SINHCAF: variants seen among roughly 807,000 people sequenced by gnomAD.
SINHCAF encodes the protein SIN3-HDAC complex associated factor.
A neutral mutation model predicts 25.8 loss-of-function variants in SINHCAF; 3 were observed. The observed-to-expected ratio is 0.12, with a 90% confidence interval of 0.05 to 0.30. The LOEUF (loss-of-function observed/expected upper bound fraction) is 0.30, where lower values mean the gene tolerates loss of function less well. Ranked by LOEUF, SINHCAF falls within the 10% of genes least tolerant of loss-of-function variation. SINHCAF has a pLI of 1.00. For synonymous variants in SINHCAF, 70 were observed against 85.5 expected, an observed-to-expected ratio of 0.82 and a Z score of 1.00; for missense variants, 121 against 262.3, an observed-to-expected ratio of 0.46 and a Z score of 3.72.
At chr12:31,298,292 T>C (rs1199189141) in intron 1 of SINHCAF, 68 bp from the exon 2 acceptor site, 1 of 1,580,882 alleles carries the variant, frequency 6.3e-7, no homozygotes. Context: ...AAGAGTTCTC[T>C]CTGCTCCACC....
rs1284272617 is a variant in SINHCAF at position 31,314,760 on chromosome 12, C to T, written c.-21+11264G>A. 2.0e-5 allele frequency among the ~76,000 whole-genome samples: 3 copies of T among 152,164 alleles called. No individual in the cohort carries two copies. The East Asian group carries it at 5.8e-4, about 29-fold the overall frequency. ...CCCCATTCTGGTTGCTTAATTTTTG[C>T]ACTAGCACCTTCCATCCTGGTCTGC... On this transcript the variant is annotated intron_variant, in intron 1 of 5. Transcript: ENST00000337682.
At chr12:31,285,238 A>C (rs938380550) in intron 5 of SINHCAF, among the ~76,000 whole-genome samples, 8 of 151,968 alleles carry the variant, frequency 5.3e-5, no homozygotes, top group African/African-American at 1.9e-4. Context: ...AAATACAAAA[A>C]TTAGCAGGGT....
chr12:31,287,867 G>T, intron 4 of SINHCAF, 83 bp from the exon 5 acceptor site: 3 of 946,836 alleles, frequency 3.2e-6, no homozygotes, highest in East Asian at 2.7e-5. Context: ...AAGACACTGT[G>T]AAAGAGTTGG....
At chr12:31,286,909 G>C (rs1022346232) in intron 5 of SINHCAF, among the ~76,000 whole-genome samples, 22 of 147,132 alleles carry the variant, frequency 1.5e-4, no homozygotes, top group African/African-American at 5.5e-4. Context: ...GCCTATTGTG[G>C]TTTGTTTGTT....
intron 1 of SINHCAF, among the ~76,000 whole-genome samples, chr12:31,318,628 G>C (rs912369146): frequency 6.9e-6 from 1 of 144,622 alleles, no homozygotes; most frequent in South Asian, 2.2e-4. Context: ...TAAAACACCA[G>C]GCCCCTCCAA....
intron 2 of SINHCAF, among the ~76,000 whole-genome samples, chr12:31,297,209 T>C (rs1221621398): frequency 6.6e-6 from 1 of 152,290 alleles, no homozygotes; most frequent in South Asian, 2.1e-4. Flanking sequence ...CCTTTTTAAA[T>C]TTTATTTTTA....
intron 5 of SINHCAF, among the ~76,000 whole-genome samples, chr12:31,285,156 G>A (rs1238026824): frequency 6.6e-6 from 1 of 152,140 alleles, no homozygotes; most frequent in Non-Finnish European, 1.5e-5. Flanking sequence ...GGGAGGCCAA[G>A]GCGAGCAGAT....
At chr12:31,314,900 C>T (rs1408662288) in intron 1 of SINHCAF, among the ~76,000 whole-genome samples, 1 of 152,116 alleles carries the variant, frequency 6.6e-6, no homozygotes, top group Non-Finnish European at 1.5e-5. Context: ...GTATATTAAC[C>T]CAGCTGGGGT....
intron 1 of SINHCAF, among the ~76,000 whole-genome samples, chr12:31,320,545 G>A (rs1939658800): frequency 6.6e-6 from 1 of 152,080 alleles, no homozygotes; most frequent in African/African-American, 2.4e-5. Context: ...CACAGAAACG[G>A]GTAGAATTTG....
At chr12:31,320,585 A>G (rs1265977013) in intron 1 of SINHCAF, among the ~76,000 whole-genome samples, 1 of 152,196 alleles carries the variant, frequency 6.6e-6, no homozygotes, top group Non-Finnish European at 1.5e-5. Context: ...GGCAGCCAAG[A>G]TTAATATAAA....
chr12:31,323,121 G>A (rs1280038281), intron 1 of SINHCAF, among the ~76,000 whole-genome samples: 2 of 152,080 alleles, frequency 1.3e-5, no homozygotes, highest in African/African-American at 4.8e-5. Context: ...CTAAACATTT[G>A]CTTCTTCAAG....
chr12:31,283,806 T>C (rs1397038347), intron 5 of SINHCAF, among the ~76,000 whole-genome samples: 5 of 151,118 alleles, frequency 3.3e-5, no homozygotes, highest in Admixed American at 2.7e-4. Context: ...TTATACTTCA[T>C]GGTTTCACCG....
Position 31,281,366 on chromosome 12 carries a change from C to A in SINHCAF, c.*1346G>T, listed in dbSNP as rs1482504265. 1 of 152,180 alleles carries A rather than the reference C, an allele frequency of 6.6e-6. No homozygotes were observed. Among genetic ancestry groups the A allele is most frequent in the Non-Finnish European group, 1.5e-5 (1 of 68,028 alleles). 9.4% of individuals were successfully genotyped at this position (152,180 alleles called of 1,614,324 possible). ...TTTAATGTGAACACAAACCTCTTTT[C>A]TTTTAGTAAGTTTTACTTTTAATAC... is the stretch of plus-strand genomic sequence containing the variant. On this transcript the variant is annotated 3_prime_UTR_variant, in exon 6 of 6. Coordinates refer to ENST00000337682, the MANE Select transcript of SINHCAF (RefSeq NM_001135812.2).
chr12:31,287,242 T>A (rs1252483977), intron 5 of SINHCAF, among the ~76,000 whole-genome samples: 2 of 152,234 alleles, frequency 1.3e-5, no homozygotes. Flanking sequence ...ATGTCTGCTT[T>A]ATCTATACCT....
chr12:31,302,659 G>A (rs1938851284), intron 1 of SINHCAF, among the ~76,000 whole-genome samples: 1 of 151,748 alleles, frequency 6.6e-6, no homozygotes, highest in Admixed American at 6.6e-5. Flanking sequence ...GGGGATACCT[G>A]CAGTACAGTG....
At position 31,284,259 on chromosome 12, in the gene SINHCAF, T is replaced by G. The variant is rs369741519; in HGVS notation, c.507-1388A>C. Among the ~76,000 whole-genome samples the G allele has an allele frequency of 1.6e-4, 24 of 152,368 alleles. 1 individual carries two copies. Among genetic ancestry groups the G allele is most frequent in the African/African-American group, 5.8e-4 (24 of 41,596 alleles). ...CCAATCTAATGAGTATAAAATGGTA[T>G]CTCATTGAAATTTTACTTTGTATTT... On this transcript the variant is annotated intron_variant, in intron 5 of 5. Transcript: ENST00000337682.
rs1264868160 is a variant in SINHCAF, at chr12:31,293,895, T to C, written c.265A>G (p.Thr89Ala). 1.9e-6 allele frequency: 3 copies of C among 1,613,000 alleles called. No homozygotes were observed. Among genetic ancestry groups the C allele is most frequent in the Admixed American group, 3.3e-5 (2 of 59,934 alleles). ...DARAGPSLKT[T>A]LKPKKVKTLS... is the part of the protein sequence containing the mutation. Reference sequence around the variant, plus strand: ...GTTTTCACTTTCTTTGGTTTCAATGTAGTCTTTAGACTGGGTCCAGCCCTT... The same window carrying C: ...GTTTTCACTTTCTTTGGTTTCAATGCAGTCTTTAGACTGGGTCCAGCCCTT... Residue 89 changes from threonine to alanine, a missense_variant, in exon 4 of 6, where the codon ACA becomes GCA. Thr to Ala is a moderately conservative substitution (Grantham distance 58, BLOSUM62 0). Transcript: ENST00000337682.
chr12:31,300,135 T>G (rs923788052), intron 1 of SINHCAF, among the ~76,000 whole-genome samples: 1 of 152,264 alleles, frequency 6.6e-6, no homozygotes, highest in African/African-American at 2.4e-5. Flanking sequence ...CAAGTATTAA[T>G]GAAAATGATT....
At chr12:31,310,295 G>A (rs1473615742) in intron 1 of SINHCAF, among the ~76,000 whole-genome samples, 1 of 152,116 alleles carries the variant, frequency 6.6e-6, no homozygotes, top group Non-Finnish European at 1.5e-5. Flanking sequence ...TTTCAAGTAA[G>A]GTGGAATTTA....
Sources: gnomAD v4.1 joint callset for allele counts (sites outside exome capture counted in the v4.1 genomes callset) on GRCh38, gnomAD v4.1.1 for gene constraint, MANE v1.5 for transcripts, NCBI Gene and HGNC (gene_info 2026-07-23, HGNC 2026-07-21) for gene names.